Variants in ATRNL1 observed in about 807,000 individuals in gnomAD.
ATRNL1 encodes the protein attractin-like protein 1.
A neutral mutation model predicts 182.7 loss-of-function variants in ATRNL1; 95 were observed. That is an observed-to-expected ratio of 0.52 (90% CI 0.44 to 0.62). The LOEUF is 0.62. ATRNL1 is among the 20% of genes least tolerant of loss of function. The probability of loss-of-function intolerance (pLI) is 0.00; values close to 1 mark genes in which losing one functional copy is unlikely to be tolerated. For missense variants in ATRNL1, 1,471 were observed against 1,679.5 expected (o/e 0.88, Z 2.17); for synonymous variants, 576 against 568.3 (o/e 1.01, Z -0.19).
intron 19 of ATRNL1, among the ~76,000 whole-genome samples, chr10:115,387,660 A>C (rs563983903): frequency 7.2e-5 from 11 of 152,342 alleles, no homozygotes; most frequent in African/African-American, 2.6e-4. Flanking sequence ...ACCTGTTATA[A>C]ATAGCTCCTA....
chr10:115,887,970 A>T (rs1351625045), intron 28 of ATRNL1, among the ~76,000 whole-genome samples: 2 of 152,060 alleles, frequency 1.3e-5, no homozygotes, highest in African/African-American at 4.8e-5. Context: ...GGAAAAGAGT[A>T]ATCTTTTGGA....
intron 28 of ATRNL1, among the ~76,000 whole-genome samples, chr10:115,856,946 T>C (rs1165815096): frequency 1.3e-5 from 2 of 152,114 alleles, no homozygotes; most frequent in Non-Finnish European, 2.9e-5. Context: ...TGGGCTCATT[T>C]ATATGCAGAT....
intron 28 of ATRNL1, among the ~76,000 whole-genome samples, chr10:115,856,445 A>AAAAAAAAAAAAAAAAAAAAAAAAAAAAAC (rs1555102091): frequency 6.8e-6 from 1 of 147,084 alleles, no homozygotes; most frequent in Non-Finnish European, 1.5e-5. Context: ...AAAAAAAAAA[A>AAAAAAAAAAAAAAAAAAAAAAAAAAAAAC]AAAAAGCCAT....
intron 26 of ATRNL1, among the ~76,000 whole-genome samples, chr10:115,657,300 G>A (rs1269279987): frequency 4.6e-5 from 7 of 152,126 alleles, no homozygotes; most frequent in African/African-American, 1.7e-4. Flanking sequence ...AGCAGAAATA[G>A]ATGGCTACAG....
intron 27 of ATRNL1, among the ~76,000 whole-genome samples, chr10:115,818,584 G>T (rs1797964970): frequency 6.6e-6 from 1 of 152,098 alleles, no homozygotes; most frequent in Admixed American, 6.6e-5. Flanking sequence ...TTATTTTCTA[G>T]AAATTATGTT....
intron 1 of ATRNL1, among the ~76,000 whole-genome samples, chr10:115,112,954 G>A (rs79337220): frequency 0.012 from 1,852 of 152,262 alleles, 36 homozygotes; most frequent in African/African-American, 0.042. Flanking sequence ...AAGAGCAGAG[G>A]TTTTAGTGGA....
chr10:115,674,920 A>G (rs1469536824), intron 26 of ATRNL1, among the ~76,000 whole-genome samples: 3 of 152,132 alleles, frequency 2.0e-5, no homozygotes, highest in South Asian at 2.1e-4. Context: ...CATCTTTATG[A>G]AATATGTCAT....
chr10:115,602,791 T>C (rs1293527236), intron 26 of ATRNL1, among the ~76,000 whole-genome samples: 2 of 150,196 alleles, frequency 1.3e-5, no homozygotes, highest in African/African-American at 4.9e-5. Flanking sequence ...GAGGCGAAGT[T>C]TGCAGTGAGC....
chr10:115,521,006 T>A (rs969304939), intron 25 of ATRNL1, among the ~76,000 whole-genome samples: 4 of 152,372 alleles, frequency 2.6e-5, no homozygotes, highest in Middle Eastern at 3.4e-3. Flanking sequence ...ATCTTAAATA[T>A]GTTTAATATT....
At chr10:115,315,973 T>C (rs893683503) in intron 18 of ATRNL1, among the ~76,000 whole-genome samples, 4 of 152,090 alleles carry the variant, frequency 2.6e-5, no homozygotes, top group Admixed American at 6.6e-5. Flanking sequence ...ATGATTAGCT[T>C]TCATTTCTTT....
At chr10:115,177,453 T>C (rs1392675166) in intron 8 of ATRNL1, among the ~76,000 whole-genome samples, 1 of 152,160 alleles carries the variant, frequency 6.6e-6, no homozygotes. Context: ...AGGATTTCAG[T>C]GAAATAATTC....
chr10:115,173,486 TTATTG>T (rs1380679144), intron 8 of ATRNL1, among the ~76,000 whole-genome samples: 2 of 151,936 alleles, frequency 1.3e-5, no homozygotes, highest in African/African-American at 4.8e-5. Flanking sequence ...AAAATCGACT[TTATTG>T]ATTATATTGT....
chr10:115,433,545 A>G (rs868985178), intron 21 of ATRNL1, among the ~76,000 whole-genome samples: 1 of 152,172 alleles, frequency 6.6e-6, no homozygotes. Flanking sequence ...ACAGTATCTG[A>G]CAAGACATAA....
chr10:115,549,449 AT>A lies in ATRNL1; in HGVS notation c.3717-5del. 1 of 1,579,018 alleles carries A rather than the reference AT, an allele frequency of 6.3e-7. No individual in the cohort carries two copies. Among genetic ancestry groups the A allele is most frequent in the Non-Finnish European group, 8.6e-7 (1 of 1,163,240 alleles). ...TTTGAGCAAAAATTATTTGTGTTTT[AT>A]TTTCCAGTTGTTTCCTATCCTTATT... On this transcript the variant is annotated splice_polypyrimidine_tract_variant and splice_region_variant and intron_variant, in intron 25 of 28. Transcript: ENST00000355044.
At chr10:115,845,641 A>G (rs1319529486) in intron 27 of ATRNL1, among the ~76,000 whole-genome samples, 1 of 151,596 alleles carries the variant, frequency 6.6e-6, no homozygotes, top group Non-Finnish European at 1.5e-5. Flanking sequence ...ACCAAGACCC[A>G]CTGTTTCTCA....
chr10:115,637,526 T>A (rs1331955291), intron 26 of ATRNL1, among the ~76,000 whole-genome samples: 1 of 151,568 alleles, frequency 6.6e-6, no homozygotes, highest in Admixed American at 6.6e-5. Context: ...TGCGTTATTA[T>A]GGAAGTCAGA....
chr10:115,680,402 A>G (rs2133948349), intron 26 of ATRNL1, among the ~76,000 whole-genome samples: 1 of 152,228 alleles, frequency 6.6e-6, no homozygotes, highest in Non-Finnish European at 1.5e-5. Context: ...GCTTTGGCCC[A>G]GAAATAATAG....
chr10:115,663,760 A>G (rs547068997), intron 26 of ATRNL1, among the ~76,000 whole-genome samples: 4 of 152,250 alleles, frequency 2.6e-5, no homozygotes, highest in Non-Finnish European at 5.9e-5. Context: ...TTGTGTACAC[A>G]CAAACTGGAC....
intron 25 of ATRNL1, among the ~76,000 whole-genome samples, chr10:115,542,339 A>G (rs1054357108): frequency 1.3e-5 from 2 of 152,062 alleles, no homozygotes; most frequent in Non-Finnish European, 2.9e-5. Flanking sequence ...TTCATAAATG[A>G]TATCTAGTAG....
Sources: gnomAD v4.1 joint callset for allele counts (sites outside exome capture counted in the v4.1 genomes callset) on GRCh38, gnomAD v4.1.1 for gene constraint, MANE v1.5 for transcripts, NCBI Gene and HGNC (gene_info 2026-07-23, HGNC 2026-07-21) for gene names.